The following ERGIC1 variants were observed in gnomAD, a reference collection of about 807,000 sequenced individuals.
ERGIC1 encodes endoplasmic reticulum-golgi intermediate compartment 1.
Under a neutral mutation model 38.3 loss-of-function variants are expected in ERGIC1, and 19 were observed. The observed-to-expected ratio is 0.50, with a 90% CI of 0.35 to 0.73. The LOEUF (loss-of-function observed/expected upper bound fraction) is 0.73, where lower values mean the gene tolerates loss of function less well. Among genes scored for constraint, ERGIC1 ranks in the 30% least tolerant of loss-of-function variants. ERGIC1 has a pLI of 0.01. For synonymous variants in ERGIC1, 124 were observed against 157.6 expected (o/e 0.79, Z 1.60); for missense variants, 294 against 389.2 (o/e 0.76, Z 2.06).
At chr5:172,922,817 T>A (rs571008035) in intron 5 of ERGIC1, among the ~76,000 whole-genome samples, 1 of 152,036 alleles carries the variant, frequency 6.6e-6, no homozygotes, top group Non-Finnish European at 1.5e-5. Context: ...AGATCTGATG[T>A]AGGGTTTAAA....
At chr5:172,870,572 C>T (rs916679771) in intron 1 of ERGIC1, among the ~76,000 whole-genome samples, 8 of 152,332 alleles carry the variant, frequency 5.3e-5, no homozygotes, top group African/African-American at 1.7e-4. Flanking sequence ...AAGGTGTTTC[C>T]TCTCTATGAA....
At chr5:172,849,537 A>T (rs1761352313) in intron 1 of ERGIC1, among the ~76,000 whole-genome samples, 1 of 152,178 alleles carries the variant, frequency 6.6e-6, no homozygotes, top group African/African-American at 2.4e-5. Flanking sequence ...GCCCTTGAAG[A>T]TGTGTGTGCT....
rs145838228 is a variant in ERGIC1, at chr5:172,857,685, C to T, written c.20+23252C>T. On this transcript the variant is annotated intron_variant, in intron 1 of 9. Transcript: ENST00000393784. Reference sequence around the variant, plus strand: ...CCATGGCCACGTGGTCATGGAACCCCTCCTCCTGGGGTCTCACGTGGCCCC... The same window carrying T: ...CCATGGCCACGTGGTCATGGAACCCTTCCTCCTGGGGTCTCACGTGGCCCC... Among the ~76,000 whole-genome samples, 638 of 151,462 alleles carry T rather than the reference C, an allele frequency of 4.2e-3. 5 individuals carry two copies. The highest frequency in any genetic ancestry group is 7.4e-3 in the Non-Finnish European group (504 of 67,884).
intron 1 of ERGIC1, chr5:172,866,975 G>T (rs1042984847): frequency 5.7e-6 from 2 of 348,920 alleles, no homozygotes; most frequent in African/African-American, 2.1e-5. Context: ...ATGCATGAAT[G>T]TGGAAATGAA....
intron 3 of ERGIC1, chr5:172,906,034 G>A (rs752298524): frequency 9.2e-5 from 42 of 455,988 alleles, no homozygotes; most frequent in Admixed American, 4.7e-4. Flanking sequence ...TCCCCAGCTA[G>A]GGTTAGGAAT....
At position 172,926,650 on chromosome 5, in the gene ERGIC1, G is replaced by T. The variant is rs755195656; in HGVS notation, c.541+81G>T. On this transcript the variant is annotated intron_variant, in intron 7 of 9. Transcript: ENST00000393784. This position sits in a 1 kb window ranked among gnomAD's most constrained non-coding sequence, Gnocchi z 5.2. The stretch of plus-strand genomic sequence containing the variant: ...AGGGAGGGGGAGGGCAGAGAGGTGG[G>T]GGTGCCTGTCCAGCACCCACTCCAA... 6.6e-7 allele frequency: 1 copy of T among 1,517,158 alleles called. No individual in the cohort carries two copies. Among genetic ancestry groups the T allele is most frequent in the South Asian group, 1.1e-5 (1 of 89,202 alleles). The allele number at this position is 1,517,158 out of a possible 1,614,324, so 94.0% of individuals were successfully genotyped here.
chr5:172,843,575 G>A (rs909285139), intron 1 of ERGIC1, among the ~76,000 whole-genome samples: 3 of 152,268 alleles, frequency 2.0e-5, no homozygotes, highest in African/African-American at 7.2e-5. Flanking sequence ...CTGGGTCCAA[G>A]AGTATGTTCA....
rs1341379740 is a variant in ERGIC1 at position 172,950,970 on chromosome 5, T to C, written c.*154T>C. The C allele has an allele frequency of 1.2e-5, 7 of 563,342 alleles. No homozygotes were observed. Among genetic ancestry groups the C allele is most frequent in the African/African-American group, 9.6e-5 (5 of 52,002 alleles). The allele number at this position is 563,342 out of a possible 1,614,324, so 34.9% of individuals were successfully genotyped here. On this transcript the variant is annotated 3_prime_UTR_variant, in exon 10 of 10. Transcript: ENST00000393784. ...GAAAGTAGAGGATGGCTCGATGTTT[T>C]GCAGCTACCTCTTTTCCCCGTGTTT...
chr5:172,913,012 G>C (rs942849606), intron 4 of ERGIC1, among the ~76,000 whole-genome samples: 1 of 151,968 alleles, frequency 6.6e-6, no homozygotes, highest in Admixed American at 6.5e-5. Flanking sequence ...CAAGTTATCC[G>C]CCCACCTTGG....
intron 1 of ERGIC1, among the ~76,000 whole-genome samples, chr5:172,861,245 C>T (rs1472131824): frequency 1.3e-5 from 2 of 152,212 alleles, no homozygotes; most frequent in Non-Finnish European, 1.5e-5. Flanking sequence ...ATGCTCTTCC[C>T]AGGCACTTGG....
At chr5:172,861,491 G>A (rs1238375693) in intron 1 of ERGIC1, among the ~76,000 whole-genome samples, 1 of 152,222 alleles carries the variant, frequency 6.6e-6, no homozygotes, top group East Asian at 1.9e-4. Context: ...TGCCATCAAT[G>A]GAGCCTGGCA....
At chr5:172,872,852 AG>A (rs1320682430) in intron 1 of ERGIC1, among the ~76,000 whole-genome samples, 5 of 152,148 alleles carry the variant, frequency 3.3e-5, no homozygotes, top group Non-Finnish European at 7.4e-5. Flanking sequence ...AAGAAAAAAA[AG>A]GTGGTCTCAT....
chr5:172,951,453 G>C lies in ERGIC1; in HGVS notation c.*637G>C, dbSNP rs1381134990. On this transcript the variant is annotated 3_prime_UTR_variant, in exon 10 of 10. Coordinates refer to ENST00000393784, the MANE Select transcript of ERGIC1 (RefSeq NM_001031711.3). ...CAAGTCTTTACCCCACCCCTTTCTT[G>C]TTCTTCCAAGAAGCAGATGCCCAGT... 2 of 152,292 alleles carry C rather than the reference G, an allele frequency of 1.3e-5. No homozygotes were observed. The highest frequency in any genetic ancestry group is 1.5e-5 in the Non-Finnish European group (1 of 68,142). 9.4% of individuals were successfully genotyped at this position (152,292 alleles called of 1,614,324 possible).
intron 1 of ERGIC1, among the ~76,000 whole-genome samples, chr5:172,866,702 G>A (rs1241597208): frequency 6.6e-6 from 1 of 152,286 alleles, no homozygotes; most frequent in Non-Finnish European, 1.5e-5. Context: ...GCAAGTGGCA[G>A]AGCTGGGACT....
At position 172,834,297 on chromosome 5, in the gene ERGIC1, T is replaced by G; in HGVS notation, c.-117T>G. ...AGTGGCGAGTGGCGAGTGGCGAGTG[T>G]CAGGGGGGCGGCCGGCGGGGGCGGG... On this transcript the variant is annotated 5_prime_UTR_variant, in exon 1 of 10. Transcript: ENST00000393784. The surrounding 1 kb of genome is among the most constrained non-coding windows in gnomAD (Gnocchi z 4.1). The G allele has an allele frequency of 7.0e-6, 7 of 993,498 alleles. No individual in the cohort carries two copies. Among genetic ancestry groups the G allele is most frequent in the Non-Finnish European group, 8.7e-6 (7 of 800,850 alleles). The allele number at this position is 993,498 out of a possible 1,614,324, so 61.5% of individuals were successfully genotyped here.
intron 1 of ERGIC1, among the ~76,000 whole-genome samples, chr5:172,849,247 T>A (rs1443212556): frequency 1.3e-5 from 2 of 152,140 alleles, no homozygotes; most frequent in African/African-American, 4.8e-5. Flanking sequence ...TAGTTGCTTG[T>A]TTTTGAGTTG....
At chr5:172,936,059 T>G (rs1218360436) in intron 9 of ERGIC1, 2 of 152,256 alleles carry the variant, frequency 1.3e-5, no homozygotes, top group Admixed American at 1.3e-4. Context: ...GAGGCCCTTA[T>G]GCTTCTGTAC....
chr5:172,931,857 CTTTTTTTTTT>C (rs375589121), intron 7 of ERGIC1, among the ~76,000 whole-genome samples: 2 of 123,062 alleles, frequency 1.6e-5, no homozygotes, highest in Non-Finnish European at 1.7e-5. Flanking sequence ...AGCACCCACA[CTTTTTTTTTT>C]TTTTTTTTTG....
intron 1 of ERGIC1, among the ~76,000 whole-genome samples, chr5:172,873,978 A>G (rs930214482): frequency 2.0e-5 from 3 of 152,234 alleles, no homozygotes; most frequent in Non-Finnish European, 4.4e-5. Context: ...TCTAGCACGC[A>G]TGGGCATCTC....
Sources: allele counts gnomAD v4.1 joint callset (sites outside exome capture counted in the v4.1 genomes callset), GRCh38; gene constraint gnomAD v4.1.1; non-coding constraint Gnocchi (gnomAD v3.1); transcripts MANE v1.5; gene names NCBI Gene and HGNC (gene_info 2026-07-23, HGNC 2026-07-21).